Variants in RBFOX1 observed in about 807,000 individuals in gnomAD.
The protein encoded by RBFOX1 is RNA binding protein fox-1 homolog 1.
In RBFOX1, 8 loss-of-function variants were observed where a neutral mutation model predicts 57.7. The observed-to-expected ratio is 0.14, with a 90% CI of 0.08 to 0.25. The LOEUF is 0.25. RBFOX1 is among the 10% of genes least tolerant of loss of function. The pLI is 1.00. For synonymous variants in RBFOX1, 326 were observed against 222.4 expected (o/e 1.47, Z -4.15); for missense variants, 611 against 548.5 (o/e 1.11, Z -1.14).
At chr16:6,189,417 A>T (rs1326591199) in intron 1 of RBFOX1, among the ~76,000 whole-genome samples, 1 of 152,226 alleles carries the variant, frequency 6.6e-6, no homozygotes, top group Non-Finnish European at 1.5e-5. Flanking sequence ...GTTAATGCAG[A>T]GTCGCTTGCT....
intron 14 of RBFOX1, among the ~76,000 whole-genome samples, chr16:7,690,683 G>A (rs2077123408): frequency 1.4e-5 from 2 of 146,184 alleles, no homozygotes; most frequent in African/African-American, 5.0e-5. Context: ...TAATTTTTCT[G>A]AAGTTGTTTG....
intron 3 of RBFOX1, among the ~76,000 whole-genome samples, chr16:6,851,486 T>C (rs996844161): frequency 2.0e-5 from 3 of 152,202 alleles, no homozygotes; most frequent in Non-Finnish European, 4.4e-5. Context: ...AATTCCTTCA[T>C]ATAACAACTT....
At chr16:6,362,347 C>T (rs572692820) in intron 2 of RBFOX1, among the ~76,000 whole-genome samples, 4 of 152,220 alleles carry the variant, frequency 2.6e-5, no homozygotes, top group African/African-American at 9.6e-5. Context: ...AAACATCTTA[C>T]AAATTTGATG....
At chr16:7,328,219 T>C (rs1344587025) in intron 4 of RBFOX1, among the ~76,000 whole-genome samples, 3 of 152,064 alleles carry the variant, frequency 2.0e-5, no homozygotes, top group Non-Finnish European at 4.4e-5. Flanking sequence ...CGGTGGCTCA[T>C]GCCTGTAATC....
At chr16:7,551,981 G>T (rs570123984) in intron 5 of RBFOX1, among the ~76,000 whole-genome samples, 1 of 152,130 alleles carries the variant, frequency 6.6e-6, no homozygotes, top group African/African-American at 2.4e-5. Context: ...TGCAAAGGCC[G>T]TGTGTCCACA....
chr16:5,851,346 G>A (rs2056892541), intron 3 of RBFOX1, among the ~76,000 whole-genome samples: 1 of 152,138 alleles, frequency 6.6e-6, no homozygotes, highest in South Asian at 2.1e-4. Flanking sequence ...CCACACTGGA[G>A]GTTCATTTCA....
chr16:5,825,348 C>T (rs894653397), intron 3 of RBFOX1, among the ~76,000 whole-genome samples: 1 of 152,184 alleles, frequency 6.6e-6, no homozygotes, highest in African/African-American at 2.4e-5. Flanking sequence ...CTCTATGCCA[C>T]ATCTTTTGCA....
At chr16:7,272,805 C>T (rs977720536) in intron 4 of RBFOX1, among the ~76,000 whole-genome samples, 1 of 152,092 alleles carries the variant, frequency 6.6e-6, no homozygotes, top group African/African-American at 2.4e-5. Context: ...ACCAGTGACT[C>T]TTGTTTTCTT....
intron 2 of RBFOX1, among the ~76,000 whole-genome samples, chr16:6,371,918 G>A (rs1325020150): frequency 6.6e-6 from 1 of 152,168 alleles, no homozygotes; most frequent in Non-Finnish European, 1.5e-5. Context: ...CTGTTAGGCT[G>A]TGAGACCCTT....
intron 2 of RBFOX1, among the ~76,000 whole-genome samples, chr16:6,561,418 G>A (rs755060523): frequency 1.2e-4 from 18 of 152,210 alleles, no homozygotes; most frequent in African/African-American, 2.7e-4. Flanking sequence ...AAATTAGAAC[G>A]TGTACCAAAT....
intron 3 of RBFOX1, among the ~76,000 whole-genome samples, chr16:5,707,473 C>G (rs947674486): frequency 6.6e-6 from 1 of 152,188 alleles, no homozygotes. Context: ...TTAGTAACCA[C>G]TAAAGATGCC....
chr16:5,871,470 C>A (rs2057468871), intron 4 of RBFOX1, among the ~76,000 whole-genome samples: 1 of 152,206 alleles, frequency 6.6e-6, no homozygotes, highest in African/African-American at 2.4e-5. Context: ...CTGTATGTCT[C>A]CTAGACTCCT....
chr16:7,373,290 C>A (rs1192899888), intron 4 of RBFOX1, among the ~76,000 whole-genome samples: 1 of 152,086 alleles, frequency 6.6e-6, no homozygotes, highest in Non-Finnish European at 1.5e-5. Context: ...ACCTAAGGAA[C>A]ATACGTTACA....
intron 1 of RBFOX1, among the ~76,000 whole-genome samples, chr16:6,161,324 G>A (rs2152745058): frequency 6.6e-6 from 1 of 151,512 alleles, no homozygotes; most frequent in Non-Finnish European, 1.5e-5. Context: ...GGGAGGCAAA[G>A]GTTGCAGTGA....
intron 2 of RBFOX1, among the ~76,000 whole-genome samples, chr16:6,425,542 CTG>C (rs1282677943): frequency 2.6e-5 from 4 of 152,244 alleles, no homozygotes; most frequent in Admixed American, 1.3e-4. Context: ...AATAGAAAGA[CTG>C]TGACTTCATG....
At chr16:5,866,088 C>G (rs2057337633) in intron 3 of RBFOX1, among the ~76,000 whole-genome samples, 1 of 152,186 alleles carries the variant, frequency 6.6e-6, no homozygotes, top group Admixed American at 6.5e-5. Flanking sequence ...CTGCCTCAGC[C>G]TCCCGAGTAG....
intron 3 of RBFOX1, among the ~76,000 whole-genome samples, chr16:6,945,642 G>A (rs1251369778): frequency 1.3e-5 from 2 of 152,018 alleles, no homozygotes; most frequent in Non-Finnish European, 2.9e-5. Flanking sequence ...TGTAATCCCA[G>A]CACTTTGGGA....
At chr16:6,444,890 A>G (rs1394207705) in intron 2 of RBFOX1, among the ~76,000 whole-genome samples, 1 of 152,160 alleles carries the variant, frequency 6.6e-6, no homozygotes, top group Non-Finnish European at 1.5e-5. Context: ...TGAAGCAGAA[A>G]AATGGAACGG....
Position 6,859,143 on chromosome 16 carries a change from ATATATATATG to A in RBFOX1, c.-15-192904_-15-192895del, listed in dbSNP as rs1216051183. Among the ~76,000 whole-genome samples, 11 of 88,098 alleles carry A rather than the reference ATATATATATG, an allele frequency of 1.2e-4. 1 individual carries two copies. Among genetic ancestry groups the A allele is most frequent in the South Asian group, 4.0e-4 (1 of 2,516 alleles). 57.8% of individuals were successfully genotyped at this position (88,098 alleles called of 152,430 possible). On this transcript the variant is annotated intron_variant, in intron 3 of 15. Coordinates refer to ENST00000550418, the MANE Select transcript of RBFOX1 (RefSeq NM_018723.4). Reference sequence around the variant, plus strand: ...TATATATATATACATATATATACGTATATATATATGTATATATATACGTATATATATGTAT... The same window carrying A: ...TATATATATATACATATATATACGTATATATATATACGTATATATATGTAT...
Sources: gnomAD v4.1 joint callset for allele counts (sites outside exome capture counted in the v4.1 genomes callset) on GRCh38, gnomAD v4.1.1 for gene constraint, MANE v1.5 for transcripts, NCBI Gene and HGNC (gene_info 2026-07-23, HGNC 2026-07-21) for gene names.